Variants in CEP126 observed in about 807,000 individuals in gnomAD.
CEP126 encodes centrosomal protein 126, also known as centrosomal protein of 126 kDa.
Under a neutral mutation model 107.8 loss-of-function variants are expected in CEP126, and 74 were observed. The ratio of observed to expected loss-of-function variants is 0.69; its 90% CI spans 0.57 to 0.83. The LOEUF (loss-of-function observed/expected upper bound fraction) is 0.83, where lower values mean the gene tolerates loss of function less well. CEP126 is among the 40% of genes least tolerant of loss of function. The probability of loss-of-function intolerance (pLI) is 0.00; values close to 1 mark genes in which losing one functional copy is unlikely to be tolerated. For missense variants in CEP126, 1,237 were observed against 1,281.9 expected, an observed-to-expected ratio of 0.96 and a Z score of 0.53; for synonymous variants, 449 against 446.0, an observed-to-expected ratio of 1.01 and a Z score of -0.08.
In CEP126 at chr11:101,933,817, C is replaced by G. The variant is rs183135969; in HGVS notation, c.249-10448C>G. ...ATGGAAAACTTTCACCCCCGAGACCCCCCCCCCACCAAAACAATTAAGACT... is the reference window on the plus strand; with the variant it reads ...ATGGAAAACTTTCACCCCCGAGACCGCCCCCCCACCAAAACAATTAAGACT... On this transcript the variant is annotated intron_variant, in intron 2 of 10. Transcript: ENST00000263468. 2.3e-3 allele frequency among the ~76,000 whole-genome samples: 342 copies of G among 149,174 alleles called. 1 individual carries two copies. Among genetic ancestry groups the G allele is most frequent in the African/African-American group, 6.2e-3 (251 of 40,474 alleles).
Position 101,962,375 on chromosome 11 carries a change from A to G in CEP126, c.1340A>G (p.Asn447Ser). ...QEKYSELNQE[N>S]GTTSIPTSCV... Reference sequence around the variant, plus strand: ...AAATATTCTGAATTAAATCAAGAAAATGGAACTACTTCAATTCCTACTTCA... The same window carrying G: ...AAATATTCTGAATTAAATCAAGAAAGTGGAACTACTTCAATTCCTACTTCA... Residue 447 changes from asparagine (N) to serine (S), a missense_variant, in exon 6 of 11, where the codon AAT becomes AGT. This residue lies in a region of CEP126 where 1,134 missense variants were observed against 1,150.5 expected (regional missense o/e 0.99). Coordinates refer to ENST00000263468, the MANE Select transcript of CEP126 (RefSeq NM_020802.4). 3 of 1,613,858 alleles carry G rather than the reference A, an allele frequency of 1.9e-6. No homozygotes were observed. Among genetic ancestry groups the G allele is most frequent in the Non-Finnish European group, 2.5e-6 (3 of 1,179,878 alleles).
chr11:101,999,076 A>T lies in CEP126; in HGVS notation c.*1433A>T, dbSNP rs149259061. ...GCTTTCCTATATTTTTAATTTTAAG[A>T]ATAGGATTTCGGAAGGCGACAGAAA... On this transcript the variant is annotated 3_prime_UTR_variant, in exon 11 of 11. Transcript: ENST00000263468. The T allele has an allele frequency of 7.5e-4, 115 of 152,330 alleles. No homozygotes were observed. The highest frequency in any genetic ancestry group is 2.5e-3 in the African/African-American group (103 of 41,572). 9.4% of individuals were successfully genotyped at this position (152,330 alleles called of 1,614,324 possible).
At chr11:101,982,206 T>TC (rs1217755799) in intron 8 of CEP126, among the ~76,000 whole-genome samples, 1 of 152,334 alleles carries the variant, frequency 6.6e-6, no homozygotes, top group South Asian at 2.1e-4. Context: ...AGGTTAGATT[T>TC]CCAGAATTAA....
At chr11:101,946,520 AAAT>A (rs1249392902) in intron 3 of CEP126, among the ~76,000 whole-genome samples, 5 of 151,874 alleles carry the variant, frequency 3.3e-5, no homozygotes, top group Non-Finnish European at 5.9e-5. Flanking sequence ...AAAAATAAAT[AAAT>A]AAATAGATAT....
intron 2 of CEP126, among the ~76,000 whole-genome samples, chr11:101,935,566 C>A (rs1033572520): frequency 2.6e-5 from 4 of 152,000 alleles, no homozygotes; most frequent in Non-Finnish European, 4.4e-5. Context: ...TGCTCCAGCA[C>A]CATTTGTTGG....
chr11:101,958,923 C>T (rs1940935774), intron 5 of CEP126, among the ~76,000 whole-genome samples: 1 of 152,108 alleles, frequency 6.6e-6, no homozygotes, highest in Admixed American at 6.5e-5. Context: ...TCGTGATGTG[C>T]CTTCCTACCA....
intron 5 of CEP126, among the ~76,000 whole-genome samples, chr11:101,960,668 AT>A (rs1161691287): frequency 2.0e-5 from 3 of 152,048 alleles, no homozygotes; most frequent in African/African-American, 7.2e-5. Context: ...AAATTAAAAT[AT>A]TTTTATTCTG....
chr11:101,980,601 C>G (rs371322642), intron 7 of CEP126, among the ~76,000 whole-genome samples: 67 of 152,286 alleles, frequency 4.4e-4, no homozygotes, highest in African/African-American at 1.6e-3. Flanking sequence ...GGTCAGTGTT[C>G]CTGAATCAAA....
chr11:101,984,984 G>T (rs1941299288), intron 8 of CEP126, among the ~76,000 whole-genome samples: 1 of 152,176 alleles, frequency 6.6e-6, no homozygotes, highest in Admixed American at 6.5e-5. Context: ...GTGCTTAGTT[G>T]CCCTGAACAC....
At chr11:101,955,195 A>T (rs577790098) in intron 4 of CEP126, among the ~76,000 whole-genome samples, 2 of 151,144 alleles carry the variant, frequency 1.3e-5, no homozygotes, top group South Asian at 4.3e-4. Context: ...AAATAGTGAG[A>T]TATAAGAATA....
intron 2 of CEP126, among the ~76,000 whole-genome samples, chr11:101,943,631 TG>T (rs1940696946): frequency 6.6e-6 from 1 of 151,798 alleles, no homozygotes; most frequent in African/African-American, 2.4e-5. Context: ...TTCAAGTGTC[TG>T]GGGGCAATCA....
chr11:101,921,401 A>C (rs1357619058), intron 1 of CEP126, among the ~76,000 whole-genome samples: 1 of 152,130 alleles, frequency 6.6e-6, no homozygotes. Context: ...CTTGTTAGTA[A>C]GTACTCAAAT....
intron 2 of CEP126, among the ~76,000 whole-genome samples, chr11:101,941,585 A>G (rs1332991528): frequency 6.6e-6 from 1 of 152,162 alleles, no homozygotes; most frequent in Non-Finnish European, 1.5e-5. Flanking sequence ...TGCTATTATG[A>G]ATAATGTTAC....
In CEP126 at chr11:101,998,276, A is replaced by T. The variant is rs1941465948; in HGVS notation, c.*633A>T. On this transcript the variant is annotated 3_prime_UTR_variant, in exon 11 of 11. Coordinates refer to ENST00000263468, the MANE Select transcript of CEP126 (RefSeq NM_020802.4). ...CACTTTGGCATACCGAAAAAACATG[A>T]AATTTTTCATTAAAATGCCATGAAT... is the stretch of plus-strand genomic sequence containing the variant. The T allele has an allele frequency of 6.6e-6, 1 of 152,150 alleles. No homozygotes were observed. The highest frequency in any genetic ancestry group is 2.1e-4 in the South Asian group (1 of 4,814). The allele number at this position is 152,150 out of a possible 1,614,324, so 9.4% of individuals were successfully genotyped here. A position where few individuals can be genotyped will look rare whatever the true frequency, so the allele number is the denominator to read the frequency against.
At chr11:101,938,937 C>A (rs978488955) in intron 2 of CEP126, among the ~76,000 whole-genome samples, 1 of 151,914 alleles carries the variant, frequency 6.6e-6, no homozygotes, top group African/African-American at 2.4e-5. Context: ...CAAAAACATA[C>A]CCTGTAAGAT....
intron 6 of CEP126, among the ~76,000 whole-genome samples, chr11:101,975,521 T>C (rs1432448289): frequency 6.6e-6 from 1 of 152,248 alleles, no homozygotes; most frequent in Non-Finnish European, 1.5e-5. Flanking sequence ...TTACTGGCTC[T>C]GTGACCTTGG....
intron 4 of CEP126, among the ~76,000 whole-genome samples, chr11:101,953,185 TATC>T (rs142963205): frequency 0.035 from 5,341 of 152,316 alleles, 119 homozygotes; most frequent in Middle Eastern, 0.13. Flanking sequence ...TAATAAGAAT[TATC>T]ATACTCGAGG....
chr11:101,915,746 C>T (rs1940196534), intron 1 of CEP126, among the ~76,000 whole-genome samples: 1 of 152,156 alleles, frequency 6.6e-6, no homozygotes, highest in African/African-American at 2.4e-5. Flanking sequence ...TAACTACTTC[C>T]TGATTTATCG....
chr11:101,924,434 G>C (rs1461909960), intron 2 of CEP126, among the ~76,000 whole-genome samples: 14 of 132,614 alleles, frequency 1.1e-4, no homozygotes, highest in African/African-American at 3.3e-4. Context: ...TTGTTGTTTT[G>C]GGGCTGTGTG....
Sources: gnomAD v4.1 joint callset for allele counts (sites outside exome capture counted in the v4.1 genomes callset) on GRCh38, gnomAD v4.1.1 for gene constraint, gnomAD v4.1.1 regional missense constraint, MANE v1.5 for transcripts, NCBI Gene and HGNC (gene_info 2026-07-23, HGNC 2026-07-21) for gene names.